Variants in METTL25 observed in about 807,000 individuals in gnomAD.
METTL25 encodes methyltransferase like 25.
A neutral mutation model predicts 71.6 loss-of-function variants in METTL25; 64 were observed. The observed-to-expected ratio is 0.89, with a 90% CI of 0.73 to 1.10. METTL25 has a LOEUF of 1.10. Among genes scored for constraint, METTL25 ranks in the 50% least tolerant of loss-of-function variants. METTL25 has a pLI of 0.00. For synonymous variants in METTL25, 287 were observed against 250.3 expected, an observed-to-expected ratio of 1.15 and a Z score of -1.38; for missense variants, 807 against 707.0, an observed-to-expected ratio of 1.14 and a Z score of -1.60.
intron 1 of METTL25, among the ~76,000 whole-genome samples, chr12:82,373,526 C>G (rs559663131): frequency 6.6e-6 from 1 of 152,034 alleles, no homozygotes; most frequent in Non-Finnish European, 1.5e-5. Flanking sequence ...TTTTTAGAAG[C>G]GGGACTAGCC....
intron 1 of METTL25, among the ~76,000 whole-genome samples, chr12:82,359,669 C>T (rs1023794695): frequency 1.3e-5 from 2 of 151,814 alleles, no homozygotes; most frequent in African/African-American, 4.8e-5. Flanking sequence ...TTTAAAGTAC[C>T]TAATATGTGT....
chr12:82,451,689 T>C (rs1179286846), intron 8 of METTL25, among the ~76,000 whole-genome samples: 1 of 152,156 alleles, frequency 6.6e-6, no homozygotes, highest in East Asian at 1.9e-4. Context: ...AAAATAATTA[T>C]TCTGATTTTT....
intron 5 of METTL25, among the ~76,000 whole-genome samples, chr12:82,412,864 A>C (rs1592679483): frequency 6.6e-6 from 1 of 152,066 alleles, no homozygotes; most frequent in East Asian, 1.9e-4. Context: ...ATTTCTCCTA[A>C]GTTGAAGAGG....
chr12:82,425,028 T>C (rs1002292796), intron 5 of METTL25, among the ~76,000 whole-genome samples: 25 of 152,066 alleles, frequency 1.6e-4, no homozygotes, highest in African/African-American at 6.0e-4. Flanking sequence ...ATTTTGTTAC[T>C]GCAGCCTGAG....
chr12:82,422,499 CCT>C (rs1888609989), intron 5 of METTL25, among the ~76,000 whole-genome samples: 1 of 152,088 alleles, frequency 6.6e-6, no homozygotes, highest in Non-Finnish European at 1.5e-5. Flanking sequence ...ACAGGGATGC[CCT>C]CTCTCACCAC....
At chr12:82,450,950 G>A (rs536098249) in intron 8 of METTL25, among the ~76,000 whole-genome samples, 2 of 149,064 alleles carry the variant, frequency 1.3e-5, no homozygotes, top group African/African-American at 5.2e-5. Context: ...TCTATCACCA[G>A]GTTTTCATCA....
At chr12:82,472,889 T>C (rs1049702643) in intron 9 of METTL25, among the ~76,000 whole-genome samples, 2 of 152,218 alleles carry the variant, frequency 1.3e-5, no homozygotes, top group Non-Finnish European at 1.5e-5. Flanking sequence ...TGCTTTTTCA[T>C]GTTTGATGTG....
chr12:82,361,748 C>T (rs1007755954), intron 1 of METTL25, among the ~76,000 whole-genome samples: 1 of 152,202 alleles, frequency 6.6e-6, no homozygotes, highest in African/African-American at 2.4e-5. Context: ...ACCCGGAACT[C>T]GCGCTGGCCA....
intron 3 of METTL25, among the ~76,000 whole-genome samples, chr12:82,397,598 TTTAA>T (rs1389194573): frequency 1.3e-5 from 2 of 152,034 alleles, no homozygotes; most frequent in South Asian, 2.1e-4. Context: ...CTGATATACT[TTTAA>T]TTAGTTTTTG....
At chr12:82,429,824 C>G (rs989789914) in intron 5 of METTL25, among the ~76,000 whole-genome samples, 1 of 151,306 alleles carries the variant, frequency 6.6e-6, no homozygotes. Context: ...ATTTATATTC[C>G]TAGGGAGGAT....
At chr12:82,400,877 T>C (rs1263160354) in intron 4 of METTL25, among the ~76,000 whole-genome samples, 1 of 152,186 alleles carries the variant, frequency 6.6e-6, no homozygotes, top group Non-Finnish European at 1.5e-5. Context: ...ACTAATCTTA[T>C]ATGATAAATA....
intron 1 of METTL25, among the ~76,000 whole-genome samples, chr12:82,365,639 T>C (rs1882477585): frequency 6.6e-6 from 1 of 152,082 alleles, no homozygotes; most frequent in Non-Finnish European, 1.5e-5. Context: ...AAATTAATTG[T>C]TGTTTAATGG....
chr12:82,383,938 C>T (rs1263111368), intron 1 of METTL25, among the ~76,000 whole-genome samples: 1 of 152,090 alleles, frequency 6.6e-6, no homozygotes, highest in Non-Finnish European at 1.5e-5. Flanking sequence ...CTTTCCTTCC[C>T]TTCTTCCCTT....
At position 82,476,648 on chromosome 12, in the gene METTL25, C is replaced by A; in HGVS notation, c.1577C>A (p.Pro526Gln). The A allele has an allele frequency of 6.3e-7, 1 of 1,584,138 alleles. No individual in the cohort carries two copies. The highest frequency in any genetic ancestry group is 8.6e-7 in the Non-Finnish European group (1 of 1,164,178). The change falls in exon 10 of 12, where the codon CCA (proline) becomes CAA (glutamine). Residue 526 changes from proline (P) to glutamine (Q), a missense_variant. Pro to Gln is a moderately conservative substitution (Grantham distance 76). Transcript: ENST00000248306. ...TTGTTGTTTTTTATCTTGAAGCTGCCAGAAAAAATTATAATGAACTACTAC... is the reference window on the plus strand; with the variant it reads ...TTGTTGTTTTTTATCTTGAAGCTGCAAGAAAAAATTATAATGAACTACTAC... ...KKLGLDESKL[P>Q]EKIIMNYYEK...
At chr12:82,462,080 C>T (rs1417586868) in intron 9 of METTL25, among the ~76,000 whole-genome samples, 8 of 152,180 alleles carry the variant, frequency 5.3e-5, no homozygotes, top group Non-Finnish European at 1.5e-5. Context: ...GGAGCAATGG[C>T]ATTCATAACC....
At chr12:82,389,167 G>A (rs190151543) in intron 2 of METTL25, among the ~76,000 whole-genome samples, 4 of 152,114 alleles carry the variant, frequency 2.6e-5, no homozygotes, top group South Asian at 2.1e-4. Context: ...GTGTATACTC[G>A]TATAGTACTG....
chr12:82,367,346 A>C (rs1882685025), intron 1 of METTL25, among the ~76,000 whole-genome samples: 1 of 152,138 alleles, frequency 6.6e-6, no homozygotes, highest in African/African-American at 2.4e-5. Context: ...CATTTATCAT[A>C]ATTTAAATTC....
chr12:82,428,430 CTT>C (rs1001056177), intron 5 of METTL25, among the ~76,000 whole-genome samples: 9 of 151,816 alleles, frequency 5.9e-5, no homozygotes, highest in African/African-American at 2.2e-4. Flanking sequence ...CTGTATTTCT[CTT>C]TTTATTTGTC....
chr12:82,394,475 C>G (rs1885899945), intron 3 of METTL25, among the ~76,000 whole-genome samples: 1 of 151,996 alleles, frequency 6.6e-6, no homozygotes, highest in African/African-American at 2.4e-5. Flanking sequence ...CTCTTTCATT[C>G]ACATTACCAA....
Sources: allele counts gnomAD v4.1 joint callset (sites outside exome capture counted in the v4.1 genomes callset), GRCh38; gene constraint gnomAD v4.1.1; transcripts MANE v1.5; gene names NCBI Gene and HGNC (gene_info 2026-07-23, HGNC 2026-07-21).